The following ADAMTS18 variants were observed in gnomAD, a reference collection of about 807,000 sequenced individuals.
The protein encoded by ADAMTS18 is A disintegrin and metalloproteinase with thrombospondin motifs 18.
A neutral mutation model predicts 165.9 loss-of-function variants in ADAMTS18; 157 were observed. The ratio of observed to expected loss-of-function variants is 0.95; its 90% CI spans 0.83 to 1.08. The LOEUF is 1.08. ADAMTS18 is among the 50% of genes least tolerant of loss of function. The probability of loss-of-function intolerance (pLI) is 0.00; values close to 1 mark genes in which losing one functional copy is unlikely to be tolerated. For missense variants in ADAMTS18, 2,040 were observed against 1,534.0 expected, an observed-to-expected ratio of 1.33 and a Z score of -5.51; for synonymous variants, 782 against 578.2, an observed-to-expected ratio of 1.35 and a Z score of -5.06.
At chr16:77,335,483 G>C (rs1275184024) in intron 12 of ADAMTS18, among the ~76,000 whole-genome samples, 1 of 151,744 alleles carries the variant, frequency 6.6e-6, no homozygotes, top group African/African-American at 2.4e-5. Flanking sequence ...TAAAACAGTG[G>C]AATGGGCCTA....
chr16:77,400,295 T>A (rs1028026810), intron 3 of ADAMTS18, among the ~76,000 whole-genome samples: 2 of 151,474 alleles, frequency 1.3e-5, no homozygotes, highest in African/African-American at 4.9e-5. Flanking sequence ...CTGTTCCCCA[T>A]GCTTTTCTTC....
chr16:77,335,892 C>G lies in ADAMTS18; in HGVS notation c.1723G>C (p.Gly575Arg). ...AGCTCCCCAAACTTTACGCACTGGCCTTGCCGACACCACTGTGAAAAGAAC... is the reference window on the plus strand; with the variant it reads ...AGCTCCCCAAACTTTACGCACTGGCGTTGCCGACACCACTGTGAAAAGAAC... ...VCGLSMWCRQGQCVKFGELGP... is the reference protein window; with the variant it reads ...VCGLSMWCRQRQCVKFGELGP... Residue 575 changes from glycine to arginine, a missense_variant, in exon 12 of 23, where the codon GGC becomes CGC. Gly to Arg is a moderately radical substitution (Grantham distance 125). Coordinates refer to ENST00000282849, the MANE Select transcript of ADAMTS18 (RefSeq NM_199355.4). 1.2e-6 allele frequency: 2 copies of G among 1,614,208 alleles called. No individual in the cohort carries two copies. Among genetic ancestry groups the G allele is most frequent in the Non-Finnish European group, 1.7e-6 (2 of 1,180,024 alleles).
intron 3 of ADAMTS18, among the ~76,000 whole-genome samples, chr16:77,402,791 C>T (rs1030907625): frequency 1.3e-5 from 2 of 152,140 alleles, no homozygotes; most frequent in African/African-American, 4.8e-5. Context: ...CAAAATTATT[C>T]TAACTCTCTG....
intron 10 of ADAMTS18, among the ~76,000 whole-genome samples, chr16:77,352,558 T>C (rs1163966059): frequency 6.6e-6 from 1 of 152,136 alleles, no homozygotes; most frequent in African/African-American, 2.4e-5. Context: ...AATAAATCTT[T>C]AAGTAGAATG....
intron 3 of ADAMTS18, among the ~76,000 whole-genome samples, chr16:77,422,862 T>G (rs10871336): frequency 0.6 from 91,538 of 151,992 alleles, 28,331 homozygotes; most frequent in Middle Eastern, 0.73. Flanking sequence ...GTAATGCTAG[T>G]CTGTGCATTG....
Position 77,364,324 on chromosome 16 carries a change from G to T in ADAMTS18, c.836C>A (p.Ser279Tyr). The change falls in exon 5 of 23, where the codon TCT becomes TAT. Residue 279 changes from serine to tyrosine, a missense_variant. By Grantham distance (144) the Ser-to-Tyr change is moderately radical. Transcript: ENST00000282849. ...TCCAGCTGATCTTCTGGGTCGCCCA[G>T]AGCTCCCATATTCATCAAACCTTAG... ...TYLRFDEYGS[S>Y]GRPRRSAGKS... 6.2e-7 allele frequency: 1 copy of T among 1,613,888 alleles called. No individual in the cohort carries two copies. Among genetic ancestry groups the T allele is most frequent in the Non-Finnish European group, 8.5e-7 (1 of 1,180,012 alleles).
intron 10 of ADAMTS18, among the ~76,000 whole-genome samples, chr16:77,350,831 C>T (rs144829596): frequency 6.6e-6 from 1 of 152,086 alleles, no homozygotes; most frequent in African/African-American, 2.4e-5. Context: ...ACTGCATCTG[C>T]TGGTCTGAGA....
At chr16:77,296,442 A>G (rs2055473992) in intron 18 of ADAMTS18, among the ~76,000 whole-genome samples, 1 of 152,206 alleles carries the variant, frequency 6.6e-6, no homozygotes, top group African/African-American at 2.4e-5. Flanking sequence ...GACCATTTAC[A>G]AAAAAGTTAG....
At chr16:77,394,827 C>A (rs968360928) in intron 3 of ADAMTS18, among the ~76,000 whole-genome samples, 9 of 152,136 alleles carry the variant, frequency 5.9e-5, no homozygotes, top group African/African-American at 2.2e-4. Context: ...TTGAGATGGT[C>A]CTTTAGCATC....
chr16:77,385,724 G>C (rs2434889), intron 3 of ADAMTS18, among the ~76,000 whole-genome samples: 48,803 of 152,024 alleles, frequency 0.32, 9,197 homozygotes, highest in Non-Finnish European at 0.44. Flanking sequence ...CAGTGGAGCT[G>C]GATGATTGAC....
At chr16:77,285,905 G>A (rs909560190) in intron 22 of ADAMTS18, among the ~76,000 whole-genome samples, 1 of 152,176 alleles carries the variant, frequency 6.6e-6, no homozygotes, top group Non-Finnish European at 1.5e-5. Flanking sequence ...ACAAGTCCTT[G>A]TTCTACTCGA....
chr16:77,306,413 G>C (rs2144606237), intron 16 of ADAMTS18, among the ~76,000 whole-genome samples: 1 of 152,290 alleles, frequency 6.6e-6, no homozygotes, highest in East Asian at 1.9e-4. Context: ...TTCTGTTTAA[G>C]GCACATAAAA....
At chr16:77,388,824 T>C (rs950772072) in intron 3 of ADAMTS18, among the ~76,000 whole-genome samples, 8 of 152,316 alleles carry the variant, frequency 5.3e-5, no homozygotes, top group Admixed American at 5.2e-4. Flanking sequence ...ATCCCCAGAT[T>C]CCTGGTACCA....
At chr16:77,400,336 C>T (rs2057309450) in intron 3 of ADAMTS18, among the ~76,000 whole-genome samples, 1 of 151,942 alleles carries the variant, frequency 6.6e-6, no homozygotes. Context: ...CTCCAGCCAT[C>T]CTTTGGGGAT....
At chr16:77,373,429 A>T (rs2056904661) in intron 3 of ADAMTS18, among the ~76,000 whole-genome samples, 1 of 151,512 alleles carries the variant, frequency 6.6e-6, no homozygotes, top group African/African-American at 2.4e-5. Context: ...ACTGCACTCC[A>T]GCCTGGGCGG....
Position 77,362,233 on chromosome 16 carries a change from T to G in ADAMTS18, c.1088A>C (p.Gln363Pro). The G allele has an allele frequency of 1.2e-6, 2 of 1,614,172 alleles. No homozygotes were observed. Among genetic ancestry groups the G allele is most frequent in the Non-Finnish European group, 8.5e-7 (1 of 1,180,014 alleles). ...CCATTGACAAAAACTATTCAGAGAC[T>G]GGTCTGCATGATGGTTGATCAATAA... ...GGLLINHHAD[Q>P]SLNSFCQWQS... The change falls in exon 7 of 23, where the codon CAG becomes CCG. Residue 363 changes from glutamine to proline, a missense_variant. Physicochemically the swap from Gln to Pro is moderately conservative, Grantham distance 76 (BLOSUM62 -1). Coordinates refer to ENST00000282849, the MANE Select transcript of ADAMTS18 (RefSeq NM_199355.4).
intron 11 of ADAMTS18, among the ~76,000 whole-genome samples, chr16:77,339,942 C>G (rs1328212023): frequency 6.6e-6 from 1 of 152,184 alleles, no homozygotes; most frequent in Non-Finnish European, 1.5e-5. Flanking sequence ...GTTGGCCTCT[C>G]TCTGAAAAGT....
intron 2 of ADAMTS18, chr16:77,431,871 T>C: frequency 1.8e-6 from 1 of 542,932 alleles, no homozygotes; most frequent in Admixed American, 3.1e-5. Context: ...TGGAAAAATG[T>C]AACACCTCTC....
intron 3 of ADAMTS18, among the ~76,000 whole-genome samples, chr16:77,425,837 G>A (rs1349612556): frequency 6.6e-6 from 1 of 152,246 alleles, no homozygotes. Flanking sequence ...GAGGTGAGGA[G>A]TTCAACACCA....
Sources: allele counts gnomAD v4.1 joint callset (sites outside exome capture counted in the v4.1 genomes callset), GRCh38; gene constraint gnomAD v4.1.1; transcripts MANE v1.5; gene names NCBI Gene and HGNC (gene_info 2026-07-23, HGNC 2026-07-21).